Variants in ABCC5 observed in about 807,000 individuals in gnomAD.
The protein encoded by ABCC5 is ATP binding cassette subfamily C member 5, also known as ATP-binding cassette sub-family C member 5.
Under a neutral mutation model 160.9 loss-of-function variants are expected in ABCC5, and 61 were observed. The observed-to-expected ratio is 0.38, with a 90% confidence interval of 0.31 to 0.47. The LOEUF is 0.47. Ranked by LOEUF, ABCC5 falls within the 20% of genes least tolerant of loss-of-function variation. The probability of loss-of-function intolerance (pLI) is 0.99; values close to 1 mark genes in which losing one functional copy is unlikely to be tolerated. For synonymous variants in ABCC5, 666 were observed against 700.6 expected, an observed-to-expected ratio of 0.95 and a Z score of 0.78; for missense variants, 1,308 against 1,813.3, an observed-to-expected ratio of 0.72 and a Z score of 5.06.
At chr3:183,941,554 G>C (rs1315948449) in intron 25 of ABCC5, among the ~76,000 whole-genome samples, 1 of 151,224 alleles carries the variant, frequency 6.6e-6, no homozygotes, top group African/African-American at 2.4e-5. Context: ...AAAAAAGCTA[G>C]AAGAGTTTTG....
intron 26 of ABCC5, among the ~76,000 whole-genome samples, chr3:183,929,804 G>T (rs1240952964): frequency 1.3e-5 from 2 of 152,088 alleles, no homozygotes; most frequent in Non-Finnish European, 2.9e-5. Context: ...TAGAGATGGG[G>T]TTTTGCCATG....
At chr3:184,015,558 C>T (rs375038213) in intron 1 of ABCC5, among the ~76,000 whole-genome samples, 9 of 152,294 alleles carry the variant, frequency 5.9e-5, no homozygotes, top group Admixed American at 2.6e-4. Context: ...AGAACACTTA[C>T]TAATCCTCTG....
rs759018790 is a variant in ABCC5, at chr3:183,950,025, A to C, written c.3045T>G (p.Leu1015=). ...GGATGACAAGGGGCCCCACTGCCAC[A>C]AGGAACCACGGGAAGACTCCTGCGA... is the stretch of plus-strand genomic sequence containing the variant. ...GMIAGVFPWF[L]VAVGPLVILF... Residue 1015 remains leucine (L), a synonymous_variant, in exon 21 of 30, where the codon CTT becomes CTG. Coordinates refer to ENST00000334444, the MANE Select transcript of ABCC5 (RefSeq NM_005688.4). The C allele has an allele frequency of 4.5e-5, 73 of 1,614,048 alleles. No individual in the cohort carries two copies. Among genetic ancestry groups the C allele is most frequent in the Middle Eastern group, 1.6e-4 (1 of 6,084 alleles).
chr3:183,963,364 C>A lies in ABCC5; in HGVS notation c.2235+21G>T, dbSNP rs376374834. On this transcript the variant is annotated intron_variant, in intron 15 of 29. Transcript: ENST00000334444. The surrounding 1 kb of genome is among the most constrained non-coding windows in gnomAD (Gnocchi z 4.6). Reference sequence around the variant, plus strand: ...GATTTCCCAAACTCAGGCAGGCAGCCGAGGGAAGAAAGAACCATACCTGTA... The same window carrying A: ...GATTTCCCAAACTCAGGCAGGCAGCAGAGGGAAGAAAGAACCATACCTGTA... 1 of 1,613,748 alleles carries A rather than the reference C, an allele frequency of 6.2e-7. No homozygotes were observed. The highest frequency in any genetic ancestry group is 1.7e-5 in the Admixed American group (1 of 60,030).
In ABCC5 at chr3:183,982,963, C is replaced by G. The variant is rs202015125; in HGVS notation, c.636G>C (p.Glu212Asp). ...ACAACAAGCTGTACTGCAGGTTAGA[C>G]TCTGTTGCCTGGGTATACTCCAAGA... ...KHLLEYTQAT[E>D]SNLQYSLLLV... The change falls in exon 6 of 30, where the codon GAG (glutamate) becomes GAC (aspartate). Residue 212 changes from glutamate to aspartate, a missense_variant. Physicochemically the swap from Glu to Asp is conservative, Grantham distance 45. Around this residue, in one of 3 missense-constraint regions of ABCC5, gnomAD observed 1,142 missense variants for 1,527.1 expected, o/e 0.75. Transcript: ENST00000334444. This position sits in a 1 kb window ranked among gnomAD's most constrained non-coding sequence, Gnocchi z 5.2. The G allele has an allele frequency of 1.2e-6, 2 of 1,614,142 alleles. No individual in the cohort carries two copies. Among genetic ancestry groups the G allele is most frequent in the African/African-American group, 2.7e-5 (2 of 74,948 alleles).
At position 183,965,255 on chromosome 3, in the gene ABCC5, T is replaced by C; in HGVS notation, c.1961A>G (p.Tyr654Cys). ...LFGKEYDEER[Y>C]NSVLNSCCLR... ...GCAGCAGCTGTTCAGCACAGAGTTG[T>C]ATCTGGAGGACACAAAGAGACAGCG... Residue 654 changes from tyrosine to cysteine, a missense_variant and splice_region_variant, in exon 14 of 30, where the codon TAC (tyrosine) becomes TGC (cysteine). By Grantham distance (194) the Tyr-to-Cys change is radical. Coordinates refer to ENST00000334444, the MANE Select transcript of ABCC5 (RefSeq NM_005688.4). 6.2e-7 allele frequency: 1 copy of C among 1,614,214 alleles called. No homozygotes were observed. Among genetic ancestry groups the C allele is most frequent in the Non-Finnish European group, 8.5e-7 (1 of 1,180,024 alleles).
rs1577491103 is a variant in ABCC5, at chr3:183,945,792, A to T, written c.3504+58T>A. On this transcript the variant is annotated intron_variant, in intron 24 of 29. Transcript: ENST00000334444. ...CTTGTACACCCAGCTGAGGCAGCAA[A>T]GGGTAAACCGACTCCAAGAGGAGTC... The T allele has an allele frequency of 4.2e-6, 6 of 1,431,958 alleles. No homozygotes were observed. The East Asian group carries it at 1.4e-4, about 33-fold the overall frequency. The allele number at this position is 1,431,958 out of a possible 1,614,324, so 88.7% of individuals were successfully genotyped here.
At chr3:183,997,522 T>A (rs985835213) in intron 2 of ABCC5, among the ~76,000 whole-genome samples, 2 of 152,170 alleles carry the variant, frequency 1.3e-5, no homozygotes, top group Admixed American at 1.3e-4. Flanking sequence ...TCCTTCCTCC[T>A]ATGTCTTCCC....
intron 2 of ABCC5, among the ~76,000 whole-genome samples, chr3:184,004,865 T>C (rs2082561478): frequency 6.6e-6 from 1 of 152,256 alleles, no homozygotes; most frequent in Non-Finnish European, 1.5e-5. Flanking sequence ...CTGTGTAGTT[T>C]ATCTCTAAAA....
chr3:183,949,502 C>T lies in ABCC5; in HGVS notation c.3227+251G>A, dbSNP rs1355521569. Among the ~76,000 whole-genome samples the T allele has an allele frequency of 6.6e-6, 1 of 152,268 alleles. No homozygotes were observed. Among genetic ancestry groups the T allele is most frequent in the Non-Finnish European group, 1.5e-5 (1 of 68,048 alleles). ...CAAGCCATCCTCCAGCCTCAGCCTC[C>T]TGAGTAGCTGTGACTATAGGCACGT... On this transcript the variant is annotated intron_variant, in intron 22 of 29. Transcript: ENST00000334444. The surrounding 1 kb of genome is among the most constrained non-coding windows in gnomAD (Gnocchi z 4.2).
chr3:183,952,982 C>A (rs1715526406), intron 18 of ABCC5, 104 bp downstream of exon 18: 4 of 1,298,420 alleles, frequency 3.1e-6, no homozygotes, highest in African/African-American at 1.5e-5. Flanking sequence ...TTTACAGCTT[C>A]TTTTAAGTGA....
chr3:183,953,210 A>G lies in ABCC5; in HGVS notation c.2543T>C (p.Val848Ala), dbSNP rs371576947. The change falls in exon 18 of 30, where the codon GTC becomes GCC. Residue 848 changes from valine (V) to alanine (A), a missense_variant. Val to Ala is a moderately conservative substitution (Grantham distance 64, BLOSUM62 0). Transcript: ENST00000334444. ...QGSVPWSVYG[V>A]YIQAAGGPLA... ...GGGGCCCCCAGCAGCCTGGATGTAG[A>G]CACCATATACTGACCAGGGCACTGA... 6.8e-6 allele frequency: 11 copies of G among 1,614,152 alleles called. No individual in the cohort carries two copies. In the African/African-American group the frequency reaches 1.2e-4, roughly 18 times the overall value.
chr3:183,922,487 C>T (rs1560462041), intron 29 of ABCC5, among the ~76,000 whole-genome samples: 1 of 152,202 alleles, frequency 6.6e-6, no homozygotes, highest in Non-Finnish European at 1.5e-5. Flanking sequence ...GCAAGCTGAT[C>T]TAACCTTATA....
chr3:183,977,687 AC>A, intron 9 of ABCC5, 63 bp from the exon 10 acceptor site: 1 of 1,161,356 alleles, frequency 8.6e-7, no homozygotes, highest in Non-Finnish European at 1.3e-6. Context: ...GTAACCTGAC[AC>A]CATGAATTTC....
Position 183,963,050 on chromosome 3 carries a change from T to G in ABCC5, c.2235+335A>C, listed in dbSNP as rs536143760. Among the ~76,000 whole-genome samples the G allele has an allele frequency of 6.6e-6, 1 of 152,312 alleles. No homozygotes were observed. Among genetic ancestry groups the G allele is most frequent in the South Asian group, 2.1e-4 (1 of 4,828 alleles). On this transcript the variant is annotated intron_variant, in intron 15 of 29. Coordinates refer to ENST00000334444, the MANE Select transcript of ABCC5 (RefSeq NM_005688.4). The surrounding 1 kb of genome is among the most constrained non-coding windows in gnomAD (Gnocchi z 4.6). ...GAATGGCAGAGGGAGAAAAGCTTGT[T>G]TTCCCAAAACAGTTCCCACTTGCAT...
intron 1 of ABCC5, among the ~76,000 whole-genome samples, chr3:184,015,764 A>G (rs1454786945): frequency 3.9e-5 from 6 of 152,116 alleles, no homozygotes; most frequent in African/African-American, 9.7e-5. Flanking sequence ...GCCAGAGTGC[A>G]GCAATCACGT....
intron 25 of ABCC5, among the ~76,000 whole-genome samples, chr3:183,939,302 G>A (rs538419479): frequency 2.0e-3 from 301 of 152,222 alleles, no homozygotes; most frequent in Admixed American, 3.7e-3. Flanking sequence ...GCAAGATGGC[G>A]AGTGCCTGTA....
intron 26 of ABCC5, among the ~76,000 whole-genome samples, chr3:183,930,770 CTTTGA>C (rs967322978): frequency 6.6e-6 from 1 of 152,172 alleles, no homozygotes; most frequent in African/African-American, 2.4e-5. Context: ...CCAAATGACA[CTTTGA>C]TTTTAGACTT....
At position 184,006,711 on chromosome 3, in the gene ABCC5, T is replaced by C. The variant is rs995973500; in HGVS notation, c.129+7553A>G. Among the ~76,000 whole-genome samples, 14 of 152,336 alleles carry C rather than the reference T, an allele frequency of 9.2e-5. 2 individuals are homozygous for C. The South Asian group carries it at 2.3e-3, about 25-fold the overall frequency. ...TAACAATACATCTTCGAATCATTTC[T>C]GGTAAGAGATTAGACCCACATCTTT... On this transcript the variant is annotated intron_variant, in intron 2 of 29. Transcript: ENST00000334444.
Sources: gnomAD v4.1 joint callset for allele counts (sites outside exome capture counted in the v4.1 genomes callset) on GRCh38, gnomAD v4.1.1 for gene constraint, gnomAD v4.1.1 regional missense constraint, Gnocchi (gnomAD v3.1) non-coding constraint, MANE v1.5 for transcripts, NCBI Gene and HGNC (gene_info 2026-07-23, HGNC 2026-07-21) for gene names.